The following NARS1 variants were observed in gnomAD, a reference collection of about 807,000 sequenced individuals.
NARS1 encodes asparagine--tRNA ligase, cytoplasmic.
NARS1 carries 65 observed loss-of-function variants against 79.2 expected under a neutral mutation model. The ratio of observed to expected loss-of-function variants is 0.82; its 90% confidence interval spans 0.67 to 1.01. The LOEUF is 1.01. NARS1 is among the 50% of genes least tolerant of loss of function. NARS1 has a pLI of 0.00. For missense variants in NARS1, 649 were observed against 673.8 expected, an observed-to-expected ratio of 0.96 and a Z score of 0.41; for synonymous variants, 229 against 238.8, an observed-to-expected ratio of 0.96 and a Z score of 0.38.
At chr18:57,614,804 T>C (rs2051634064) in intron 4 of NARS1, among the ~76,000 whole-genome samples, 2 of 152,202 alleles carry the variant, frequency 1.3e-5, no homozygotes, top group African/African-American at 2.4e-5. Flanking sequence ...AACATGCATT[T>C]ACTTAACTGT....
At chr18:57,616,948 C>CAAAAAAAAAAAA (rs59363506) in intron 2 of NARS1, among the ~76,000 whole-genome samples, 3 of 72,786 alleles carry the variant, frequency 4.1e-5, no homozygotes, top group Admixed American at 1.7e-4. Flanking sequence ...GACTCTGTCT[C>CAAAAAAAAAAAA]AAAAAAAAAA....
At chr18:57,606,431 C>T (rs984959435) in intron 10 of NARS1, among the ~76,000 whole-genome samples, 185 bp downstream of exon 10, 4 of 151,330 alleles carry the variant, frequency 2.6e-5, no homozygotes, top group African/African-American at 9.7e-5. Flanking sequence ...AAACATGAGC[C>T]TGTTATATAA....
intron 4 of NARS1, among the ~76,000 whole-genome samples, chr18:57,615,438 C>T (rs1483780334): frequency 6.6e-6 from 1 of 151,536 alleles, no homozygotes; most frequent in East Asian, 1.9e-4. Context: ...GGAGGCGGAG[C>T]TTGCAGTGAG....
chr18:57,603,598 A>G (rs2051528568), intron 11 of NARS1, among the ~76,000 whole-genome samples: 1 of 152,200 alleles, frequency 6.6e-6, no homozygotes, highest in East Asian at 1.9e-4. Context: ...CTTCTATACC[A>G]CACATAAATT....
chr18:57,602,551 G>A, intron 12 of NARS1, 65 bp from the exon 13 acceptor site: 1 of 1,542,316 alleles, frequency 6.5e-7, no homozygotes, highest in African/African-American at 1.4e-5. Flanking sequence ...CACTGCCCTA[G>A]AGTTTAAATG....
chr18:57,615,032 T>G (rs1294685538), intron 4 of NARS1, among the ~76,000 whole-genome samples: 1 of 151,832 alleles, frequency 6.6e-6, no homozygotes, highest in Non-Finnish European at 1.5e-5. Context: ...TAAATAAAAG[T>G]TAGCCAGGTG....
At chr18:57,605,777 A>G (rs1186337720) in intron 11 of NARS1, 80 bp downstream of exon 11, 2 of 917,720 alleles carry the variant, frequency 2.2e-6, no homozygotes, top group Non-Finnish European at 3.4e-6. Context: ...GATGCCACCC[A>G]TGTTACTAGT....
chr18:57,607,979 T>C (rs958315429), intron 7 of NARS1, among the ~76,000 whole-genome samples: 1 of 151,602 alleles, frequency 6.6e-6, no homozygotes. Context: ...GCGATTCTCC[T>C]ACCTCAGCCT....
intron 7 of NARS1, among the ~76,000 whole-genome samples, chr18:57,609,153 G>T (rs1407694713): frequency 6.6e-6 from 1 of 152,192 alleles, no homozygotes; most frequent in Non-Finnish European, 1.5e-5. Context: ...TCCACAGCTT[G>T]CAGATGGCCT....
Position 57,621,808 on chromosome 18 carries a change from T to A in NARS1, c.-91A>T. The A allele has an allele frequency of 6.3e-7, 1 of 1,599,804 alleles. No individual in the cohort carries two copies. The highest frequency in any genetic ancestry group is 8.5e-7 in the Non-Finnish European group (1 of 1,175,184). On this transcript the variant is annotated 5_prime_UTR_variant, in exon 1 of 14. Transcript: ENST00000256854. The stretch of plus-strand genomic sequence containing the variant: ...AACGTGCACCGGCGGTTTCCGCGAT[T>A]CCGGCGTTGCATCAGAGAGCGTAGA...
intron 12 of NARS1, 119 bp downstream of exon 12, chr18:57,602,693 A>T (rs2051519094): frequency 3.0e-6 from 4 of 1,329,430 alleles, no homozygotes; most frequent in Non-Finnish European, 4.1e-6. Context: ...AACGTCTTTA[A>T]ATATTGTTAT....
intron 2 of NARS1, among the ~76,000 whole-genome samples, chr18:57,619,835 G>A (rs1266040681): frequency 1.3e-5 from 2 of 151,888 alleles, no homozygotes; most frequent in Non-Finnish European, 2.9e-5. Context: ...CCACAGGCAC[G>A]CACCACCATG....
intron 1 of NARS1, among the ~76,000 whole-genome samples, chr18:57,621,010 C>A (rs1025236310): frequency 6.6e-6 from 1 of 152,168 alleles, no homozygotes; most frequent in Non-Finnish European, 1.5e-5. Context: ...TTTACTTAAC[C>A]TTTCTGAGCT....
chr18:57,609,366 CT>C lies in NARS1; in HGVS notation c.569del (p.Lys190ArgfsTer11). On this transcript the variant is annotated frameshift_variant, in exon 7 of 14. Transcript: ENST00000256854. LOFTEE classifies it high-confidence loss of function. ...AACTCAATCCACTCACCTGCTTGCCCTTTGGGGTAAGATTTAGCATTCCATA... is the reference window on the plus strand; with the variant it reads ...AACTCAATCCACTCACCTGCTTGCCCTTGGGGTAAGATTTAGCATTCCATA... ...AVYGMLNLTPKGKQAPGGHEL... is the reference protein window; with the variant it reads ...AVYGMLNLTPXGKQAPGGHEL... 6.2e-7 allele frequency: 1 copy of C among 1,613,620 alleles called. No individual in the cohort carries two copies. Among genetic ancestry groups the C allele is most frequent in the Non-Finnish European group, 8.5e-7 (1 of 1,179,718 alleles).
rs1195878356 is a variant in NARS1 at position 57,620,619 on chromosome 18, C to T, written c.43G>A (p.Asp15Asn). 4 of 1,613,788 alleles carry T rather than the reference C, an allele frequency of 2.5e-6. No homozygotes were observed. Among genetic ancestry groups the T allele is most frequent in the African/African-American group, 1.3e-5 (1 of 75,026 alleles). The change falls in exon 2 of 14, where the codon GAT becomes AAT. Residue 15 changes from aspartate to asparagine, a missense_variant. Asp to Asn is a conservative substitution (Grantham distance 23). Coordinates refer to ENST00000256854, the MANE Select transcript of NARS1 (RefSeq NM_004539.4). ...TCCTTGGTTCCATCTCCCGTGGCATCGCTTCCCTCTCGGTCAGAGACGTAC... is the reference window on the plus strand; with the variant it reads ...TCCTTGGTTCCATCTCCCGTGGCATTGCTTCCCTCTCGGTCAGAGACGTAC... ...ELYVSDREGS[D>N]ATGDGTKEKP...
intron 6 of NARS1, among the ~76,000 whole-genome samples, chr18:57,610,365 G>C (rs898491350): frequency 7.2e-5 from 11 of 152,122 alleles, no homozygotes; most frequent in African/African-American, 2.7e-4. Context: ...CCAGCTACTC[G>C]GGAGGCTGAA....
At chr18:57,617,265 CT>C (rs1908083658) in intron 2 of NARS1, among the ~76,000 whole-genome samples, 1 of 152,128 alleles carries the variant, frequency 6.6e-6, no homozygotes, top group Non-Finnish European at 1.5e-5. Flanking sequence ...AGTTCTACGA[CT>C]GCTGCAGAGA....
At chr18:57,618,985 AAG>A (rs1908176243) in intron 2 of NARS1, among the ~76,000 whole-genome samples, 1 of 152,226 alleles carries the variant, frequency 6.6e-6, no homozygotes, top group Non-Finnish European at 1.5e-5. Flanking sequence ...TATGACCTAA[AAG>A]AGAGGAGAAT....
At chr18:57,612,550 C>A (rs938555975) in intron 5 of NARS1, among the ~76,000 whole-genome samples, 1 of 152,118 alleles carries the variant, frequency 6.6e-6, no homozygotes, top group Non-Finnish European at 1.5e-5. Context: ...CTTCTCCTGC[C>A]TCAGCCTCTA....
Sources: allele counts gnomAD v4.1 joint callset (sites outside exome capture counted in the v4.1 genomes callset), GRCh38; gene constraint gnomAD v4.1.1; transcripts MANE v1.5; gene names NCBI Gene and HGNC (gene_info 2026-07-23, HGNC 2026-07-21).